Variants in BDP1 observed in about 807,000 individuals in gnomAD.
BDP1 encodes the protein BDP1 general transcription factor IIIB subunit.
In BDP1, 169 loss-of-function variants were observed where a neutral mutation model predicts 266.6. That is an observed-to-expected ratio of 0.63 (90% CI 0.56 to 0.72). BDP1 has a LOEUF of 0.72. Ranked by LOEUF, BDP1 falls within the 30% of genes least tolerant of loss-of-function variation. The pLI is 0.00. For missense variants in BDP1, 3,015 were observed against 3,053.8 expected, an observed-to-expected ratio of 0.99 and a Z score of 0.30; for synonymous variants, 1,090 against 1,022.4, an observed-to-expected ratio of 1.07 and a Z score of -1.26.
At position 71,509,488 on chromosome 5, in the gene BDP1, A is replaced by T. The variant is rs2150467776; in HGVS notation, c.2396A>T (p.Asn799Ile). ...CLSVQENNKA[N>I]KLNQVPILRT... The stretch of plus-strand genomic sequence containing the variant: ...AGCGTTCAAGAGAATAATAAGGCAA[A>T]TAAACTTAACCAAGTCCCAATTCTA... The change falls in exon 17 of 39, where the codon AAT becomes ATT. Residue 799 changes from asparagine to isoleucine, a missense_variant. Physicochemically the swap from Asn to Ile is moderately radical, Grantham distance 149. Transcript: ENST00000358731. The T allele has an allele frequency of 6.3e-7, 1 of 1,585,580 alleles. No homozygotes were observed. Among genetic ancestry groups the T allele is most frequent in the Non-Finnish European group, 8.5e-7 (1 of 1,172,116 alleles).
chr5:71,569,422 A>T (rs905366036), downstream of BDP1, among the ~76,000 whole-genome samples: 27 of 151,864 alleles, frequency 1.8e-4, no homozygotes, highest in Non-Finnish European at 3.4e-4. Context: ...AGCCTGGGTC[A>T]CAGAGTGAGA....
At chr5:71,502,058 C>T (rs1318534984) in intron 14 of BDP1, among the ~76,000 whole-genome samples, 1 of 152,182 alleles carries the variant, frequency 6.6e-6, no homozygotes, top group Middle Eastern at 3.4e-3. Flanking sequence ...CTACATTATT[C>T]TATAGTATCC....
chr5:71,513,124 A>G (rs1765025238), intron 18 of BDP1, 61 bp from the exon 19 acceptor site: 1 of 1,141,420 alleles, frequency 8.8e-7, no homozygotes, highest in South Asian at 1.4e-5. Flanking sequence ...GGTTGTACTG[A>G]GACTCCGTTT....
intron 8 of BDP1, among the ~76,000 whole-genome samples, chr5:71,484,147 G>C (rs1019718682): frequency 6.6e-6 from 1 of 152,176 alleles, no homozygotes; most frequent in Non-Finnish European, 1.5e-5. Context: ...AGGGATTGAT[G>C]CTACCACTTC....
chr5:71,553,052 T>TA (rs528058386), intron 34 of BDP1, 64 bp from the exon 35 acceptor site: 7,696 of 1,111,832 alleles, frequency 6.9e-3, no homozygotes, highest in Non-Finnish European at 8.0e-3. Flanking sequence ...TAGGATCCTT[T>TA]AAAAAAAAAA....
chr5:71,505,816 G>C (rs1363270471), intron 16 of BDP1, among the ~76,000 whole-genome samples: 1 of 152,128 alleles, frequency 6.6e-6, no homozygotes, highest in Non-Finnish European at 1.5e-5. Flanking sequence ...AGCTATGAAT[G>C]GGCCACTTTA....
Position 71,513,294 on chromosome 5 carries a change from G to A in BDP1, c.4357G>A (p.Glu1453Lys). ...PNLARAALKR[E>K]TTESEKYIYE... ...CTTAGCAAGAGCAGCTTTGAAGAGA[G>A]AGACTACAGAATCAGAAAAATATAT... is the stretch of plus-strand genomic sequence containing the variant. Residue 1453 changes from glutamate to lysine, a missense_variant, in exon 19 of 39, where the codon GAG (glutamate) becomes AAG (lysine). By Grantham distance (56) the Glu-to-Lys change is moderately conservative. Around this residue, in one of 3 missense-constraint regions of BDP1, gnomAD observed 2,383 missense variants for 2,404.9 expected, o/e 0.99. Coordinates refer to ENST00000358731, the MANE Select transcript of BDP1 (RefSeq NM_018429.3). 6.2e-7 allele frequency: 1 copy of A among 1,612,598 alleles called. No homozygotes were observed. Among genetic ancestry groups the A allele is most frequent in the Non-Finnish European group, 8.5e-7 (1 of 1,179,130 alleles).
intron 13 of BDP1, among the ~76,000 whole-genome samples, chr5:71,500,993 A>G (rs972083882): frequency 1.3e-5 from 2 of 151,478 alleles, no homozygotes; most frequent in African/African-American, 4.9e-5. Context: ...GCTACTCAGG[A>G]GGCTGAGGTG....
At chr5:71,545,299 AT>A in intron 32 of BDP1, 80 bp downstream of exon 32, 1 of 1,243,278 alleles carries the variant, frequency 8.0e-7, no homozygotes. Flanking sequence ...TTTACATACA[AT>A]AAACTTCACC....
chr5:71,497,469 T>C (rs1047097906), intron 13 of BDP1, 43 bp downstream of exon 13: 3 of 1,498,390 alleles, frequency 2.0e-6, no homozygotes, highest in African/African-American at 2.8e-5. Flanking sequence ...TTATAAAAAT[T>C]TTCTTTAGAT....
At chr5:71,474,003 C>G (rs1762434298) in intron 7 of BDP1, among the ~76,000 whole-genome samples, 1 of 151,946 alleles carries the variant, frequency 6.6e-6, no homozygotes, top group Non-Finnish European at 1.5e-5. Flanking sequence ...TTTTTTGACA[C>G]AGAGTCTTGC....
Position 71,502,635 on chromosome 5 carries a change from A to G in BDP1, c.2085A>G (p.Gln695=), listed in dbSNP as rs376059997. 3.7e-6 allele frequency: 6 copies of G among 1,611,308 alleles called. No individual in the cohort carries two copies. Among genetic ancestry groups the G allele is most frequent in the East Asian group, 4.5e-5 (2 of 44,886 alleles). Residue 695 remains glutamine (Q), a synonymous_variant, in exon 15 of 39, where the codon CAA becomes CAG. Coordinates refer to ENST00000358731, the MANE Select transcript of BDP1 (RefSeq NM_018429.3). ...GEKNCLQEGS[Q]LKALRPVQVR... The stretch of plus-strand genomic sequence containing the variant: ...AAAATTGTCTGCAGGAAGGGAGTCA[A>G]CTAAAGGCTTTAAGACCTGTACAAG...
rs1165741777 is a variant in BDP1 at position 71,480,291 on chromosome 5, T to C, written c.1015-3551T>C. 6.7e-3 allele frequency among the ~76,000 whole-genome samples: 307 copies of C among 46,042 alleles called. 1 individual carries two copies. The highest frequency in any genetic ancestry group is 0.02 in the African/African-American group (276 of 13,900). 30.2% of individuals were successfully genotyped at this position (46,042 alleles called of 152,430 possible). A position where few individuals can be genotyped will look rare whatever the true frequency, so the allele number is the denominator to read the frequency against. On this transcript the variant is annotated intron_variant, in intron 7 of 38. Transcript: ENST00000358731. ...ATGCCCAGCTAATTTTTTTTTTTTTTTTTTTTTTTTTTTTTTGTATTTTTA... is the reference window on the plus strand; with the variant it reads ...ATGCCCAGCTAATTTTTTTTTTTTTCTTTTTTTTTTTTTTTTGTATTTTTA...
chr5:71,473,754 G>A (rs1468470973), intron 7 of BDP1, among the ~76,000 whole-genome samples: 1 of 151,928 alleles, frequency 6.6e-6, no homozygotes, highest in African/African-American at 2.4e-5. Context: ...ATATGTACAT[G>A]TGCCATGTTG....
intron 6 of BDP1, among the ~76,000 whole-genome samples, chr5:71,469,465 C>T (rs1762104066): frequency 6.6e-6 from 1 of 152,042 alleles, no homozygotes; most frequent in Non-Finnish European, 1.5e-5. Flanking sequence ...TAGCTACTTT[C>T]TTTATATACT....
chr5:71,490,036 T>G (rs1364649584), intron 10 of BDP1, among the ~76,000 whole-genome samples: 1 of 152,220 alleles, frequency 6.6e-6, no homozygotes, highest in Non-Finnish European at 1.5e-5. Flanking sequence ...AGAGCACCTC[T>G]GTGAACCCAC....
chr5:71,464,696 C>T lies in BDP1; in HGVS notation c.659+579C>T, dbSNP rs560285642. On this transcript the variant is annotated intron_variant, in intron 4 of 38. Transcript: ENST00000358731. The stretch of plus-strand genomic sequence containing the variant: ...CTGGGAGTACAGGTGTGTGCCACCA[C>T]GGTTGGCTAAATTTTTTAGTTTTTT... Among the ~76,000 whole-genome samples the T allele has an allele frequency of 9.1e-5, 13 of 142,136 alleles. No homozygotes were observed. In the South Asian group the frequency reaches 1.6e-3, roughly 18 times the overall value. The allele number at this position is 142,136 out of a possible 152,430, so 93.2% of individuals were successfully genotyped here.
At chr5:71,499,831 G>A (rs1764122354) in intron 13 of BDP1, among the ~76,000 whole-genome samples, 1 of 152,074 alleles carries the variant, frequency 6.6e-6, no homozygotes. Context: ...TGTAAGTAAG[G>A]CTTTCTCAAG....
intron 14 of BDP1, among the ~76,000 whole-genome samples, chr5:71,502,181 TTC>T (rs1170394959): frequency 6.7e-6 from 1 of 148,162 alleles, no homozygotes; most frequent in Non-Finnish European, 1.5e-5. Context: ...GTCTTTTTTT[TTC>T]TCTCTCTTTT....
Sources: gnomAD v4.1 joint callset for allele counts (sites outside exome capture counted in the v4.1 genomes callset) on GRCh38, gnomAD v4.1.1 for gene constraint, gnomAD v4.1.1 regional missense constraint, MANE v1.5 for transcripts, NCBI Gene and HGNC (gene_info 2026-07-23, HGNC 2026-07-21) for gene names.